Variants in SAMD12 observed in about 807,000 individuals in gnomAD.
SAMD12 encodes sterile alpha motif domain containing 12, also known as sterile alpha motif domain-containing protein 12.
In SAMD12, 9 loss-of-function variants were observed where a neutral mutation model predicts 15.0. The observed-to-expected ratio is 0.60, with a 90% CI of 0.36 to 1.05. The LOEUF (loss-of-function observed/expected upper bound fraction) is 1.05. SAMD12 is among the 50% of genes least tolerant of loss of function. The pLI is 0.01. For missense variants in SAMD12, 230 were observed against 234.2 expected (o/e 0.98, Z 0.12); for synonymous variants, 86 against 90.1 (o/e 0.96, Z 0.25).
intron 1 of SAMD12, among the ~76,000 whole-genome samples, chr8:118,599,327 G>C (rs757527427): frequency 1.4e-4 from 22 of 152,122 alleles, no homozygotes; most frequent in Non-Finnish European, 3.1e-4. Flanking sequence ...GTAAAATAAA[G>C]GAGACAAACT....
the SAMD12 span, among the ~76,000 whole-genome samples, chr8:118,168,237 C>T: frequency 6.6e-6 from 1 of 152,136 alleles, no homozygotes; most frequent in Non-Finnish European, 1.5e-5. Flanking sequence ...CTCTTTTACC[C>T]TCTGATGTTT....
chr8:118,425,752 A>C (rs1194248239), intron 3 of SAMD12, among the ~76,000 whole-genome samples: 1 of 152,212 alleles, frequency 6.6e-6, no homozygotes, highest in Non-Finnish European at 1.5e-5. Flanking sequence ...GTCAAAGGTG[A>C]GGCAGTAGGA....
intron 2 of SAMD12, among the ~76,000 whole-genome samples, chr8:118,562,845 T>C (rs907508154): frequency 7.2e-5 from 11 of 152,268 alleles, no homozygotes; most frequent in African/African-American, 2.6e-4. Flanking sequence ...ATGGAGTACA[T>C]TCAAGTAGAC....
chr8:118,479,234 G>C (rs1037590565), intron 2 of SAMD12, among the ~76,000 whole-genome samples: 2 of 152,050 alleles, frequency 1.3e-5, no homozygotes, highest in African/African-American at 4.8e-5. Context: ...GACACACTGT[G>C]CCTCAGGACC....
chr8:118,197,568 TGG>T, exon 5 of SAMD12: 1 of 796,310 alleles, frequency 1.3e-6, no homozygotes. Context: ...ATTGACTGAA[TGG>T]GTGCTTTTTT....
At chr8:118,491,566 A>T (rs1824440725) in intron 2 of SAMD12, among the ~76,000 whole-genome samples, 1 of 152,200 alleles carries the variant, frequency 6.6e-6, no homozygotes, top group African/African-American at 2.4e-5. Flanking sequence ...AATATAAAAC[A>T]TCTCCATCCC....
At chr8:118,582,174 A>T (rs1247220450) in intron 1 of SAMD12, among the ~76,000 whole-genome samples, 1 of 152,116 alleles carries the variant, frequency 6.6e-6, no homozygotes, top group Admixed American at 6.6e-5. Flanking sequence ...TCCTTAATAG[A>T]TATCATCTAT....
chr8:118,450,709 C>T (rs1823055288), intron 2 of SAMD12, among the ~76,000 whole-genome samples: 2 of 151,962 alleles, frequency 1.3e-5, no homozygotes, highest in Non-Finnish European at 2.9e-5. Flanking sequence ...ACTAAAGGTC[C>T]TCTGCCATGA....
At chr8:118,396,150 A>T (rs1275638791) in intron 3 of SAMD12, among the ~76,000 whole-genome samples, 1 of 152,148 alleles carries the variant, frequency 6.6e-6, no homozygotes, top group African/African-American at 2.4e-5. Flanking sequence ...AACTTGGAGT[A>T]AAAAGCCTGG....
At chr8:118,489,934 G>C (rs992422168) in intron 2 of SAMD12, among the ~76,000 whole-genome samples, 2 of 152,106 alleles carry the variant, frequency 1.3e-5, no homozygotes, top group African/African-American at 4.8e-5. Flanking sequence ...AAAAGGAAAG[G>C]AAGCAGCTCT....
intron 4 of SAMD12, among the ~76,000 whole-genome samples, chr8:118,272,906 TG>T (rs1407883122): frequency 6.6e-6 from 1 of 152,166 alleles, no homozygotes; most frequent in Admixed American, 6.5e-5. Context: ...TCTCCAAGTG[TG>T]TAGGAAGTTC....
chr8:118,574,825 T>C (rs1827108250), intron 2 of SAMD12, among the ~76,000 whole-genome samples: 1 of 152,198 alleles, frequency 6.6e-6, no homozygotes, highest in African/African-American at 2.4e-5. Context: ...TTTCCTATCA[T>C]GGGTGACATT....
At chr8:118,605,278 T>A (rs80077729) in intron 1 of SAMD12, among the ~76,000 whole-genome samples, 1 of 152,212 alleles carries the variant, frequency 6.6e-6, no homozygotes, top group African/African-American at 2.4e-5. Flanking sequence ...AAGGGCTGTT[T>A]CTAAGGAAAA....
intron 2 of SAMD12, among the ~76,000 whole-genome samples, chr8:118,532,825 C>G (rs1451357510): frequency 5.9e-5 from 9 of 152,204 alleles, no homozygotes; most frequent in Non-Finnish European, 1.2e-4. Context: ...TGATTCTTCT[C>G]TCTTTTTTTC....
At chr8:118,497,692 G>A (rs1824657557) in intron 2 of SAMD12, among the ~76,000 whole-genome samples, 1 of 110,656 alleles carries the variant, frequency 9.0e-6, no homozygotes, top group Middle Eastern at 6.8e-3. Flanking sequence ...ACCTGCACAT[G>A]TACCCCTGGA....
At chr8:118,402,966 C>T (rs1284264215) in intron 3 of SAMD12, among the ~76,000 whole-genome samples, 2 of 152,208 alleles carry the variant, frequency 1.3e-5, no homozygotes, top group Non-Finnish European at 2.9e-5. Context: ...AGCCAGAATA[C>T]ATAGTGAAGT....
chr8:118,316,962 G>A (rs186025068), intron 4 of SAMD12, among the ~76,000 whole-genome samples: 7 of 151,686 alleles, frequency 4.6e-5, no homozygotes, highest in African/African-American at 1.2e-4. Context: ...TCAGAGATAC[G>A]AACTTTAAAG....
At chr8:118,600,389 G>T (rs1827829799) in intron 1 of SAMD12, among the ~76,000 whole-genome samples, 1 of 152,080 alleles carries the variant, frequency 6.6e-6, no homozygotes, top group Non-Finnish European at 1.5e-5. Context: ...ATAGGTTTTG[G>T]GATCACTTAG....
intron 3 of SAMD12, among the ~76,000 whole-genome samples, chr8:118,436,078 A>T (rs190355928): frequency 2.6e-4 from 40 of 152,322 alleles, no homozygotes; most frequent in Middle Eastern, 6.8e-3. Context: ...CCTAGAATCA[A>T]AGAATTAGAT....
Sources: allele counts gnomAD v4.1 joint callset (sites outside exome capture counted in the v4.1 genomes callset), GRCh38; gene constraint gnomAD v4.1.1; transcripts MANE v1.5; gene names NCBI Gene and HGNC (gene_info 2026-07-23, HGNC 2026-07-21).